SRPK2: variants seen among roughly 807,000 people sequenced by gnomAD.
The protein encoded by SRPK2 is SFRS protein kinase 2.
In SRPK2, 21 loss-of-function variants were observed where a neutral mutation model predicts 90.8. The observed-to-expected ratio is 0.23, with a 90% CI of 0.16 to 0.33. The LOEUF is 0.33. Ranked by LOEUF, SRPK2 falls within the 10% of genes least tolerant of loss-of-function variation. The probability of loss-of-function intolerance (pLI) is 1.00; values close to 1 mark genes in which losing one functional copy is unlikely to be tolerated. For synonymous variants in SRPK2, 288 were observed against 311.1 expected (o/e 0.93, Z 0.78); for missense variants, 620 against 869.0 (o/e 0.71, Z 3.60).
intron 2 of SRPK2, among the ~76,000 whole-genome samples, chr7:105,254,753 G>A (rs1803010384): frequency 6.6e-6 from 1 of 151,922 alleles, no homozygotes; most frequent in Admixed American, 6.6e-5. Context: ...GCAGTGGTGT[G>A]GTCTTGGCTC....
rs76937625 is a variant in SRPK2, at chr7:105,213,531, A to T, written c.72-9746T>A. Among the ~76,000 whole-genome samples, 3 of 56,392 alleles carry T rather than the reference A, an allele frequency of 5.3e-5. No individual in the cohort carries two copies. In the Admixed American group the frequency reaches 5.8e-4, roughly 11 times the overall value. 37.0% of individuals were successfully genotyped at this position (56,392 alleles called of 152,430 possible). On this transcript the variant is annotated intron_variant, in intron 2 of 15. Transcript: ENST00000393651. Reference sequence around the variant, plus strand: ...AAGAACAAAGTTAAACAAGCCACCAACATTATAATCTATAGTCAAGGACCC... The same window carrying T: ...AAGAACAAAGTTAAACAAGCCACCATCATTATAATCTATAGTCAAGGACCC...
Position 105,142,237 on chromosome 7 carries a change from A to G in SRPK2, c.1314T>C (p.Tyr438=), listed in dbSNP as rs144208893. 67 of 1,614,114 alleles carry G rather than the reference A, an allele frequency of 4.2e-5. 1 individual carries two copies. The South Asian group carries it at 5.2e-4, about 12-fold the overall frequency. The change falls in exon 11 of 16, where the codon TAT becomes TAC. Residue 438 remains tyrosine, a synonymous_variant. Coordinates refer to ENST00000393651, the MANE Select transcript of SRPK2 (RefSeq NM_182692.3). ...DEPNAESDYT[Y]SSSYEQFNGE... Reference sequence around the variant, plus strand: ...CATTGAATTGTTCATAGGAGCTGCTATATGTGTAATCACTTTCTGCATTTG... The same window carrying G: ...CATTGAATTGTTCATAGGAGCTGCTGTATGTGTAATCACTTTCTGCATTTG...
rs552236763 is a variant in SRPK2 at position 105,219,293 on chromosome 7, C to T, written c.72-15508G>A. 2.6e-5 allele frequency among the ~76,000 whole-genome samples: 4 copies of T among 152,254 alleles called. No individual in the cohort carries two copies. In the South Asian group the frequency reaches 8.3e-4, roughly 32 times the overall value. On this transcript the variant is annotated intron_variant, in intron 2 of 15. Coordinates refer to ENST00000393651, the MANE Select transcript of SRPK2 (RefSeq NM_182692.3). ...TTTATGATGAACAGTTAGAATCAGA[C>T]CAGGATCTTAGTCTCCTTACTCCAC... is the stretch of plus-strand genomic sequence containing the variant.
chr7:105,313,575 C>A (rs1434760797), intron 2 of SRPK2, among the ~76,000 whole-genome samples: 1 of 151,900 alleles, frequency 6.6e-6, no homozygotes, highest in African/African-American at 2.4e-5. Flanking sequence ...CACAGTGAAA[C>A]CCCATCTCTA....
At chr7:105,368,422 T>C (rs945967701) in intron 2 of SRPK2, among the ~76,000 whole-genome samples, 3 of 152,198 alleles carry the variant, frequency 2.0e-5, no homozygotes. Context: ...GTAAGGTTCT[T>C]ACAATAATCT....
intron 7 of SRPK2, among the ~76,000 whole-genome samples, chr7:105,157,292 T>C (rs1346681828): frequency 6.6e-6 from 1 of 152,174 alleles, no homozygotes; most frequent in African/African-American, 2.4e-5. Flanking sequence ...CGGTTATCCA[T>C]GACTCTTAAG....
At chr7:105,254,691 A>ATTG (rs529644358) in intron 2 of SRPK2, among the ~76,000 whole-genome samples, 5 of 150,452 alleles carry the variant, frequency 3.3e-5, no homozygotes, top group African/African-American at 9.8e-5. Context: ...TGTTGTTGTT[A>ATTG]TTGTTGTTGT....
intron 2 of SRPK2, among the ~76,000 whole-genome samples, chr7:105,280,947 C>CAAAAAAAAAAA (rs1158350206): frequency 1.4e-4 from 6 of 43,326 alleles, no homozygotes; most frequent in African/African-American, 4.6e-4. Flanking sequence ...GACTCCATCT[C>CAAAAAAAAAAA]AAAAAAAAAA....
At chr7:105,122,921 T>C (rs1422574854) in intron 15 of SRPK2, among the ~76,000 whole-genome samples, 1 of 152,024 alleles carries the variant, frequency 6.6e-6, no homozygotes, top group East Asian at 1.9e-4. Context: ...GATAATCCCA[T>C]TATCCACGCA....
chr7:105,320,322 CA>C (rs1457453991), intron 2 of SRPK2, among the ~76,000 whole-genome samples: 2 of 152,102 alleles, frequency 1.3e-5, no homozygotes, highest in African/African-American at 4.8e-5. Context: ...AAAATTTTAC[CA>C]GTTTAATCAT....
rs1562958239 is a variant in SRPK2, at chr7:105,126,984, A to G, written c.1822+9T>C. ...TAGACCGAGGTATTCAGCAGGCACC[A>G]ATACTCACCTTCGTCTCTGGAATAG... On this transcript the variant is annotated intron_variant, in intron 14 of 15. Transcript: ENST00000393651. 1 of 1,614,142 alleles carries G rather than the reference A, an allele frequency of 6.2e-7. No individual in the cohort carries two copies. The highest frequency in any genetic ancestry group is 1.7e-5 in the Admixed American group (1 of 60,018).
chr7:105,165,549 C>T (rs921668770), intron 6 of SRPK2, among the ~76,000 whole-genome samples: 7 of 152,128 alleles, frequency 4.6e-5, no homozygotes, highest in African/African-American at 9.7e-5. Flanking sequence ...CACCAATCAG[C>T]ACTCTGTAAA....
At chr7:105,361,869 AC>A (rs1818463034) in intron 2 of SRPK2, among the ~76,000 whole-genome samples, 1 of 152,140 alleles carries the variant, frequency 6.6e-6, no homozygotes, top group South Asian at 2.1e-4. Flanking sequence ...AACCATAAAA[AC>A]CCTAGGAAGA....
At chr7:105,350,128 ATTTTT>A (rs749102424) in intron 2 of SRPK2, among the ~76,000 whole-genome samples, 1 of 133,602 alleles carries the variant, frequency 7.5e-6, no homozygotes, top group African/African-American at 2.7e-5. Flanking sequence ...AGTTGCTATA[ATTTTT>A]TTTTTTTTTT....
At chr7:105,390,523 G>T (rs1822133885), upstream of SRPK2, among the ~76,000 whole-genome samples, 1 of 151,752 alleles carries the variant, frequency 6.6e-6, no homozygotes. Context: ...CAGCCTCCCG[G>T]GTCCAAGCCA....
At chr7:105,149,179 T>C (rs905523565) in intron 7 of SRPK2, among the ~76,000 whole-genome samples, 1 of 152,172 alleles carries the variant, frequency 6.6e-6, no homozygotes, top group Non-Finnish European at 1.5e-5. Context: ...CCCTGGGAAC[T>C]GAATGTCTCG....
At chr7:105,271,706 A>G (rs890515285) in intron 2 of SRPK2, among the ~76,000 whole-genome samples, 2 of 151,970 alleles carry the variant, frequency 1.3e-5, no homozygotes, top group Non-Finnish European at 2.9e-5. Context: ...AGACTCTTGA[A>G]CCTCTACCTC....
At chr7:105,149,573 A>G (rs756658052) in intron 7 of SRPK2, among the ~76,000 whole-genome samples, 35 of 152,118 alleles carry the variant, frequency 2.3e-4, no homozygotes, top group Non-Finnish European at 4.4e-4. Flanking sequence ...TTGTTTCTCT[A>G]TACTTTGTCT....
intron 2 of SRPK2, among the ~76,000 whole-genome samples, chr7:105,332,340 T>C (rs993202970): frequency 6.6e-6 from 1 of 152,204 alleles, no homozygotes; most frequent in African/African-American, 2.4e-5. Flanking sequence ...GAAACTAGCA[T>C]TGCTCATAAC....
Sources: gnomAD v4.1 joint callset for allele counts (sites outside exome capture counted in the v4.1 genomes callset) on GRCh38, gnomAD v4.1.1 for gene constraint, MANE v1.5 for transcripts, NCBI Gene and HGNC (gene_info 2026-07-23, HGNC 2026-07-21) for gene names.